CACNA2D1: variants seen among roughly 807,000 people sequenced by gnomAD.
The protein encoded by CACNA2D1 is calcium voltage-gated channel auxiliary subunit alpha2delta 1, also known as voltage-dependent calcium channel subunit alpha-2/delta-1.
CACNA2D1 carries 53 observed loss-of-function variants against 171.5 expected under a neutral mutation model. The ratio of observed to expected loss-of-function variants is 0.31; its 90% CI spans 0.25 to 0.39. The LOEUF is 0.39. Among genes scored for constraint, CACNA2D1 ranks in the 10% least tolerant of loss-of-function variants. The pLI, the probability that CACNA2D1 is intolerant of heterozygous loss-of-function variation, is 1.00. For synonymous variants in CACNA2D1, 442 were observed against 443.1 expected (o/e 1.00, Z 0.03); for missense variants, 903 against 1,299.8 (o/e 0.69, Z 4.69).
chr7:82,031,122 A>AT (rs34913034), intron 12 of CACNA2D1, among the ~76,000 whole-genome samples: 323 of 147,018 alleles, frequency 2.2e-3, no homozygotes, highest in South Asian at 5.8e-3. Context: ...AATACTGTAG[A>AT]TTTTTTTTTT....
intron 25 of CACNA2D1, 38 bp downstream of exon 25, chr7:81,974,417 C>A: frequency 1.0e-6 from 1 of 984,312 alleles, no homozygotes; most frequent in South Asian, 1.3e-5. Context: ...CCAATAGAAC[C>A]ACACTCAAGC....
chr7:82,014,841 G>A (rs890242750), intron 12 of CACNA2D1, among the ~76,000 whole-genome samples: 2 of 152,096 alleles, frequency 1.3e-5, no homozygotes, highest in Non-Finnish European at 2.9e-5. Flanking sequence ...ATCACCTGAG[G>A]TCAGGAGTTC....
At chr7:82,107,568 T>C (rs1397436221) in intron 6 of CACNA2D1, among the ~76,000 whole-genome samples, 1 of 149,000 alleles carries the variant, frequency 6.7e-6, no homozygotes, top group Non-Finnish European at 1.5e-5. Context: ...GAAATTTCAC[T>C]ATTACAATGA....
At chr7:82,114,955 T>C (rs1219728382) in intron 6 of CACNA2D1, among the ~76,000 whole-genome samples, 2 of 152,114 alleles carry the variant, frequency 1.3e-5, no homozygotes, top group Non-Finnish European at 2.9e-5. Context: ...TGACTTAAAA[T>C]ATCTTGTGGA....
At chr7:82,336,120 C>A (rs1817963223) in intron 2 of CACNA2D1, among the ~76,000 whole-genome samples, 1 of 152,154 alleles carries the variant, frequency 6.6e-6, no homozygotes, top group Non-Finnish European at 1.5e-5. Flanking sequence ...CATGACTAAA[C>A]CATCTTTGAA....
chr7:82,007,217 C>G (rs188400537), intron 16 of CACNA2D1, among the ~76,000 whole-genome samples: 67 of 152,054 alleles, frequency 4.4e-4, no homozygotes, highest in African/African-American at 1.6e-3. Context: ...TAATTTAAAT[C>G]AGATCCTTAA....
chr7:82,412,937 A>G (rs1205400540), intron 1 of CACNA2D1, among the ~76,000 whole-genome samples: 3 of 152,120 alleles, frequency 2.0e-5, no homozygotes, highest in African/African-American at 7.2e-5. Context: ...CAAAAGGAGA[A>G]AGCTCTAAAG....
chr7:82,387,867 G>C (rs1001262448), intron 1 of CACNA2D1, among the ~76,000 whole-genome samples: 1 of 151,980 alleles, frequency 6.6e-6, no homozygotes. Context: ...CATTTCTTGA[G>C]CTTAGGAGTT....
chr7:82,133,978 C>G (rs1353495138), intron 5 of CACNA2D1, among the ~76,000 whole-genome samples: 1 of 151,806 alleles, frequency 6.6e-6, no homozygotes, highest in Non-Finnish European at 1.5e-5. Context: ...GAGGCTGTGG[C>G]AGGAGAATGG....
chr7:82,005,694 C>G (rs1799048788), intron 17 of CACNA2D1, 71 bp downstream of exon 17: 2 of 1,096,060 alleles, frequency 1.8e-6, no homozygotes, highest in South Asian at 2.5e-5. Flanking sequence ...TGAGAATTAC[C>G]TAAGTGCCAA....
intron 1 of CACNA2D1, among the ~76,000 whole-genome samples, chr7:82,363,058 C>T (rs1354641214): frequency 6.6e-6 from 1 of 152,040 alleles, no homozygotes; most frequent in Non-Finnish European, 1.5e-5. Context: ...TACACTTCTA[C>T]ATTGCTTAAT....
chr7:82,031,894 C>G (rs79710846), intron 12 of CACNA2D1, among the ~76,000 whole-genome samples: 1 of 151,892 alleles, frequency 6.6e-6, no homozygotes, highest in East Asian at 1.9e-4. Context: ...GGGCATTTTA[C>G]CCTGCAGAGT....
rs1207440298 is a variant in CACNA2D1 at position 82,111,444 on chromosome 7, A to ATATTT, written c.526+5599_526+5600insAAATA. Among the ~76,000 whole-genome samples the ATATTT allele has an allele frequency of 1.0e-4, 7 of 69,968 alleles. 1 individual carries two copies. Among genetic ancestry groups the ATATTT allele is most frequent in the Admixed American group, 1.6e-4 (1 of 6,420 alleles). 45.9% of individuals were successfully genotyped at this position (69,968 alleles called of 152,430 possible). Reference sequence around the variant, plus strand: ...TATATGTGTGTATATATATATATATATTTTTTTTTTTTTTTTTTTTTGAGA... The same window carrying ATATTT: ...TATATGTGTGTATATATATATATATATATTTTTTTTTTTTTTTTTTTTTTTTGAGA... On this transcript the variant is annotated intron_variant, in intron 6 of 38. Transcript: ENST00000356860.
At chr7:82,378,419 A>G (rs1210033061) in intron 1 of CACNA2D1, among the ~76,000 whole-genome samples, 1 of 152,124 alleles carries the variant, frequency 6.6e-6, no homozygotes, top group African/African-American at 2.4e-5. Context: ...TAAATAAATA[A>G]ATTTAAAAAA....
At chr7:82,432,453 G>A (rs1829768580) in intron 1 of CACNA2D1, among the ~76,000 whole-genome samples, 1 of 152,198 alleles carries the variant, frequency 6.6e-6, no homozygotes, top group Admixed American at 6.5e-5. Context: ...AAGAGACCTG[G>A]GATGCCTCAG....
At chr7:82,118,846 A>G (rs928062267) in intron 5 of CACNA2D1, among the ~76,000 whole-genome samples, 1 of 152,048 alleles carries the variant, frequency 6.6e-6, no homozygotes, top group Non-Finnish European at 1.5e-5. Context: ...AAAAAAGAAT[A>G]ATAGTGCTAT....
chr7:82,256,860 G>T (rs1437939466), intron 3 of CACNA2D1, among the ~76,000 whole-genome samples: 3 of 152,020 alleles, frequency 2.0e-5, no homozygotes, highest in African/African-American at 4.8e-5. Flanking sequence ...TTTCACAAAA[G>T]AATTTTTGAC....
intron 5 of CACNA2D1, among the ~76,000 whole-genome samples, chr7:82,125,411 C>G (rs1409179153): frequency 6.6e-6 from 1 of 152,176 alleles, no homozygotes; most frequent in Non-Finnish European, 1.5e-5. Flanking sequence ...CTTCACTAAT[C>G]TTCAGGGAAT....
At chr7:82,410,621 A>G (rs1032516922) in intron 1 of CACNA2D1, 10 of 547,618 alleles carry the variant, frequency 1.8e-5, no homozygotes, top group African/African-American at 4.1e-5. Flanking sequence ...ACTGCAAGAG[A>G]GAAGGCGAGT....
Sources: gnomAD v4.1 joint callset for allele counts (sites outside exome capture counted in the v4.1 genomes callset) on GRCh38, gnomAD v4.1.1 for gene constraint, MANE v1.5 for transcripts, NCBI Gene and HGNC (gene_info 2026-07-23, HGNC 2026-07-21) for gene names.